NRXN3: variants seen among roughly 807,000 people sequenced by gnomAD.
NRXN3 encodes the protein neurexin 3.
In NRXN3, 32 loss-of-function variants were observed where a neutral mutation model predicts 137.6. The observed-to-expected ratio is 0.23, with a 90% CI of 0.18 to 0.31. NRXN3 has a LOEUF of 0.31. NRXN3 is among the 10% of genes least tolerant of loss of function. The pLI, the probability that NRXN3 is intolerant of heterozygous loss-of-function variation, is 1.00. For synonymous variants in NRXN3, 798 were observed against 784.5 expected, an observed-to-expected ratio of 1.02 and a Z score of -0.29; for missense variants, 1,574 against 2,062.5, an observed-to-expected ratio of 0.76 and a Z score of 4.59.
rs779370310 is a variant in NRXN3 at position 78,651,331 on chromosome 14, A to G, written c.1221+5A>G. 6 of 1,613,554 alleles carry G rather than the reference A, an allele frequency of 3.7e-6. No homozygotes were observed. In the African/African-American group the frequency reaches 8.0e-5, roughly 22 times the overall value. ...TTCATGGGCTGCCTTAAAGAGGTAA[A>G]GTTCACCCAATTCTATTTAATGCAC... On this transcript the variant is annotated splice_donor_5th_base_variant and intron_variant, in intron 6 of 20. Coordinates refer to ENST00000335750, the MANE Select transcript of NRXN3 (RefSeq NM_001330195.2).
intron 3 of NRXN3, among the ~76,000 whole-genome samples, chr14:78,284,043 G>T (rs2074813242): frequency 1.3e-5 from 2 of 152,190 alleles, no homozygotes; most frequent in African/African-American, 4.8e-5. Flanking sequence ...TCGAGCTTGT[G>T]TTAGAACAGT....
intron 15 of NRXN3, among the ~76,000 whole-genome samples, chr14:79,081,962 C>T (rs890440820): frequency 1.3e-5 from 2 of 151,744 alleles, no homozygotes; most frequent in Non-Finnish European, 2.9e-5. Flanking sequence ...AATAATAGAT[C>T]CAAAGAATTC....
intron 4 of NRXN3, among the ~76,000 whole-genome samples, chr14:78,386,109 G>A (rs909839260): frequency 6.6e-6 from 1 of 152,002 alleles, no homozygotes; most frequent in Non-Finnish European, 1.5e-5. Flanking sequence ...AAAGAGAGAC[G>A]GGAGGATAAT....
At chr14:78,837,428 A>G (rs777917616) in intron 10 of NRXN3, among the ~76,000 whole-genome samples, 1 of 151,826 alleles carries the variant, frequency 6.6e-6, no homozygotes, top group Non-Finnish European at 1.5e-5. Flanking sequence ...AATTTGTCAA[A>G]CAAGTTTATG....
chr14:79,090,310 T>C (rs973966860), intron 15 of NRXN3, among the ~76,000 whole-genome samples: 1 of 152,156 alleles, frequency 6.6e-6, no homozygotes, highest in Non-Finnish European at 1.5e-5. Context: ...TGTATAGCAT[T>C]AGATGAAAAT....
intron 16 of NRXN3, among the ~76,000 whole-genome samples, chr14:79,615,686 G>C (rs1396097042): frequency 2.0e-5 from 3 of 152,068 alleles, no homozygotes; most frequent in African/African-American, 4.8e-5. Context: ...AGAGTGAAGG[G>C]GGGAAAAGCC....
In NRXN3 at chr14:79,805,031, ATGTCTT is replaced by A. The variant is rs2099198536; in HGVS notation, c.4015-77_4015-72del. The stretch of plus-strand genomic sequence containing the variant: ...GATGGGACACAGTGATAAATCTTTG[ATGTCTT>A]TGTTCATTAGTTTCCTTATCTCTCT... On this transcript the variant is annotated intron_variant, in intron 19 of 20. Transcript: ENST00000335750. 1.3e-5 allele frequency: 12 copies of A among 935,620 alleles called. No individual in the cohort carries two copies. The Admixed American group carries it at 1.5e-4, about 12-fold the overall frequency. 58.0% of individuals were successfully genotyped at this position (935,620 alleles called of 1,614,324 possible). A position where few individuals can be genotyped will look rare whatever the true frequency, so the allele number is the denominator to read the frequency against.
chr14:79,069,467 A>G (rs4903824), intron 15 of NRXN3, among the ~76,000 whole-genome samples: 2 of 152,084 alleles, frequency 1.3e-5, no homozygotes, highest in Admixed American at 1.3e-4. Context: ...ATGGGTAACA[A>G]GTAAGTAAAT....
intron 10 of NRXN3, among the ~76,000 whole-genome samples, chr14:78,930,115 C>G (rs1216764015): frequency 6.6e-6 from 1 of 152,078 alleles, no homozygotes; most frequent in African/African-American, 2.4e-5. Context: ...TGTTTAAACT[C>G]TTTGAGCTTA....
chr14:79,814,007 G>A (rs757770410), intron 20 of NRXN3, among the ~76,000 whole-genome samples: 22 of 152,290 alleles, frequency 1.4e-4, no homozygotes, highest in Admixed American at 3.9e-4. Context: ...GTTTTGTAGC[G>A]CATCAACTAA....
At chr14:78,373,657 T>C (rs762295639) in intron 4 of NRXN3, among the ~76,000 whole-genome samples, 2 of 152,192 alleles carry the variant, frequency 1.3e-5, no homozygotes. Flanking sequence ...AAGGAAGGAC[T>C]GCTGGATGTG....
At chr14:79,561,580 T>TA (rs1317167406) in intron 16 of NRXN3, among the ~76,000 whole-genome samples, 3 of 152,148 alleles carry the variant, frequency 2.0e-5, no homozygotes, top group Admixed American at 2.0e-4. Context: ...AATTTCTCCT[T>TA]AGTTATACAC....
intron 15 of NRXN3, among the ~76,000 whole-genome samples, chr14:79,383,086 C>T (rs911077924): frequency 6.6e-6 from 1 of 152,084 alleles, no homozygotes; most frequent in African/African-American, 2.4e-5. Flanking sequence ...TAGATTTTGG[C>T]ACTGGTCTCT....
chr14:79,816,986 G>C (rs929712468), intron 20 of NRXN3, among the ~76,000 whole-genome samples: 1 of 152,172 alleles, frequency 6.6e-6, no homozygotes, highest in Non-Finnish European at 1.5e-5. Context: ...AATTTGACAA[G>C]ATAGATAATT....
At position 79,249,923 on chromosome 14, in the gene NRXN3, A is replaced by G. The variant is rs544834220; in HGVS notation, c.3263-217298A>G. On this transcript the variant is annotated intron_variant, in intron 15 of 20. Coordinates refer to ENST00000335750, the MANE Select transcript of NRXN3 (RefSeq NM_001330195.2). ...AATAATAAATGACTATAAGCTTTTC[A>G]TAAAGTATATACCTGTATTATTAAT... Among the ~76,000 whole-genome samples, 3 of 152,336 alleles carry G rather than the reference A, an allele frequency of 2.0e-5. No homozygotes were observed. In the East Asian group the frequency reaches 5.8e-4, roughly 29 times the overall value.
intron 8 of NRXN3, among the ~76,000 whole-genome samples, chr14:78,765,197 A>T (rs1169634873): frequency 6.6e-6 from 1 of 152,122 alleles, no homozygotes; most frequent in East Asian, 1.9e-4. Flanking sequence ...CTTGTTGCCC[A>T]GGCTGGAGTG....
intron 16 of NRXN3, among the ~76,000 whole-genome samples, chr14:79,645,452 C>T (rs2098449241): frequency 1.5e-5 from 2 of 133,270 alleles, no homozygotes; most frequent in African/African-American, 4.9e-5. Flanking sequence ...CCCATCTCTA[C>T]TAAAAATACA....
intron 15 of NRXN3, among the ~76,000 whole-genome samples, chr14:79,138,889 C>A (rs1465199812): frequency 2.0e-5 from 3 of 152,162 alleles, no homozygotes; most frequent in Non-Finnish European, 2.9e-5. Flanking sequence ...TGAGCAAAGC[C>A]ATTGAGTTGC....
chr14:79,201,258 A>C (rs2065960361), intron 15 of NRXN3: 1 of 152,176 alleles, frequency 6.6e-6, no homozygotes, highest in South Asian at 2.1e-4. Context: ...TTTCAAAACA[A>C]AGAAAACCGA....
Sources: gnomAD v4.1 joint callset for allele counts (sites outside exome capture counted in the v4.1 genomes callset) on GRCh38, gnomAD v4.1.1 for gene constraint, MANE v1.5 for transcripts, NCBI Gene and HGNC (gene_info 2026-07-23, HGNC 2026-07-21) for gene names.